Variants in PSTPIP2 observed in about 807,000 individuals in gnomAD.
The protein encoded by PSTPIP2 is proline-serine-threonine phosphatase-interacting protein 2.
In PSTPIP2, 33 loss-of-function variants were observed where a neutral mutation model predicts 63.3. That is an observed-to-expected ratio of 0.52 (90% CI 0.40 to 0.70). The LOEUF (loss-of-function observed/expected upper bound fraction) is 0.70. Ranked by LOEUF, PSTPIP2 falls within the 30% of genes least tolerant of loss-of-function variation. The probability of loss-of-function intolerance (pLI) is 0.00; values close to 1 mark genes in which losing one functional copy is unlikely to be tolerated. For missense variants in PSTPIP2, 312 were observed against 400.7 expected, an observed-to-expected ratio of 0.78 and a Z score of 1.89; for synonymous variants, 125 against 132.7, an observed-to-expected ratio of 0.94 and a Z score of 0.40.
At position 46,024,756 on chromosome 18, in the gene PSTPIP2, C is replaced by G. The variant is rs144355214; in HGVS notation, c.135-70G>C. The stretch of plus-strand genomic sequence containing the variant: ...CTCTTTGTTAAGACACAATGACCCT[C>G]CCTTGGAAAGCAAAACTGCACCTGT... On this transcript the variant is annotated intron_variant, in intron 2 of 14. Transcript: ENST00000409746. 339 of 1,310,058 alleles carry G rather than the reference C, an allele frequency of 2.6e-4. 2 individuals carry two copies. In the East Asian group the frequency reaches 7.0e-3, roughly 27 times the overall value. 81.2% of individuals were successfully genotyped at this position (1,310,058 alleles called of 1,614,324 possible).
At chr18:45,992,285 G>T in intron 10 of PSTPIP2, 83 bp from the exon 11 acceptor site, 1 of 1,169,776 alleles carries the variant, frequency 8.5e-7, no homozygotes, top group Non-Finnish European at 1.2e-6. Flanking sequence ...GTTTGAGGCG[G>T]GGCGCAGTGG....
chr18:46,042,452 C>T (rs561196248), intron 1 of PSTPIP2, among the ~76,000 whole-genome samples: 1 of 152,278 alleles, frequency 6.6e-6, no homozygotes, highest in Non-Finnish European at 1.5e-5. Flanking sequence ...TCAGAGTCCC[C>T]AGCATCTGAA....
At chr18:46,046,029 G>T (rs1831031482) in intron 1 of PSTPIP2, among the ~76,000 whole-genome samples, 1 of 152,218 alleles carries the variant, frequency 6.6e-6, no homozygotes, top group African/African-American at 2.4e-5. Flanking sequence ...CAGACCAACA[G>T]AACAGAATAG....
intron 1 of PSTPIP2, among the ~76,000 whole-genome samples, chr18:46,060,079 TTAA>T (rs1908936008): frequency 6.6e-6 from 1 of 152,198 alleles, no homozygotes; most frequent in African/African-American, 2.4e-5. Flanking sequence ...TCCAAATTGT[TTAA>T]TAACTTTCTT....
chr18:45,990,656 C>G, intron 13 of PSTPIP2, 66 bp downstream of exon 13: 1 of 1,409,968 alleles, frequency 7.1e-7, no homozygotes, highest in South Asian at 1.2e-5. Context: ...TCTCAAACTC[C>G]TGACCTCAAG....
At chr18:46,005,758 C>G (rs1810149001) in intron 5 of PSTPIP2, among the ~76,000 whole-genome samples, 1 of 152,158 alleles carries the variant, frequency 6.6e-6, no homozygotes, top group South Asian at 2.1e-4. Context: ...AGCCTGAACT[C>G]TCAGACACAG....
rs559943620 is a variant in PSTPIP2, at chr18:46,068,443, G to A, written c.33+3713C>T. ...CTCCTGAGTAGCTGGGACTACAGGC[G>A]CCCACCACCATGCCCGGGTAATTTT... On this transcript the variant is annotated intron_variant, in intron 1 of 14. Coordinates refer to ENST00000409746, the MANE Select transcript of PSTPIP2 (RefSeq NM_024430.4). Among the ~76,000 whole-genome samples the A allele has an allele frequency of 1.2e-4, 18 of 152,132 alleles. No individual in the cohort carries two copies. The South Asian group carries it at 1.9e-3, about 16-fold the overall frequency.
At chr18:46,004,561 A>C (rs2051704292) in intron 6 of PSTPIP2, among the ~76,000 whole-genome samples, 1 of 152,230 alleles carries the variant, frequency 6.6e-6, no homozygotes, top group Non-Finnish European at 1.5e-5. Flanking sequence ...AAATAGTAAC[A>C]GGGTAAAATT....
At chr18:46,048,866 T>C (rs1908478972) in intron 1 of PSTPIP2, among the ~76,000 whole-genome samples, 1 of 152,204 alleles carries the variant, frequency 6.6e-6, no homozygotes, top group Non-Finnish European at 1.5e-5. Flanking sequence ...TATATTGATG[T>C]TATTTCCTGA....
intron 1 of PSTPIP2, among the ~76,000 whole-genome samples, chr18:46,070,055 C>A (rs561134462): frequency 3.3e-5 from 5 of 152,156 alleles, no homozygotes; most frequent in Non-Finnish European, 7.3e-5. Flanking sequence ...GTTATTATCC[C>A]CATTTTTATG....
At chr18:46,063,895 G>C (rs1909078885) in intron 1 of PSTPIP2, among the ~76,000 whole-genome samples, 1 of 152,182 alleles carries the variant, frequency 6.6e-6, no homozygotes, top group Non-Finnish European at 1.5e-5. Context: ...GGAACACTGA[G>C]AATAGGCCCA....
At position 46,039,875 on chromosome 18, in the gene PSTPIP2, A is replaced by G. The variant is rs971862162; in HGVS notation, c.134+72T>C. On this transcript the variant is annotated intron_variant, in intron 2 of 14. Transcript: ENST00000409746. ...GAACCATTAAACACAAATGAAAAAA[A>G]GGAAATTGTTCCTTGTCTGTGTGGA... 18 of 1,318,718 alleles carry G rather than the reference A, an allele frequency of 1.4e-5. No individual in the cohort carries two copies. The African/African-American group carries it at 2.3e-4, about 17-fold the overall frequency. 81.7% of individuals were successfully genotyped at this position (1,318,718 alleles called of 1,614,324 possible).
chr18:46,032,728 T>C (rs1216336173), intron 2 of PSTPIP2, among the ~76,000 whole-genome samples: 1 of 121,242 alleles, frequency 8.2e-6, no homozygotes, highest in Non-Finnish European at 1.6e-5. Flanking sequence ...CACTCTAGCT[T>C]AGGCAATAAG....
rs186295356 is a variant in PSTPIP2 at position 45,990,794 on chromosome 18, C to T, written c.921-38G>A. The T allele has an allele frequency of 3.4e-3, 5,106 of 1,517,552 alleles. 8 individuals are homozygous for T. The highest frequency in any genetic ancestry group is 4.1e-3 in the Non-Finnish European group (4,568 of 1,101,242). The allele number at this position is 1,517,552 out of a possible 1,614,324, so 94.0% of individuals were successfully genotyped here. A position where few individuals can be genotyped will look rare whatever the true frequency, so the allele number is the denominator to read the frequency against. ...AAAACCAAAGTATTTTAGATAAGTT[C>T]TTGTTATTTTTATAATCTTTTTACT... is the stretch of plus-strand genomic sequence containing the variant. On this transcript the variant is annotated intron_variant, in intron 12 of 14. Coordinates refer to ENST00000409746, the MANE Select transcript of PSTPIP2 (RefSeq NM_024430.4).
At chr18:46,012,271 A>G (rs1172831476) in intron 4 of PSTPIP2, among the ~76,000 whole-genome samples, 5 of 149,490 alleles carry the variant, frequency 3.3e-5, no homozygotes, top group South Asian at 2.1e-4. Context: ...ACTGTTGGGG[A>G]AAAAAAAAAC....
rs570752189 is a variant in PSTPIP2 at position 46,009,889 on chromosome 18, G to C, written c.354+1292C>G. ...ACCATCCAATGGGTTTAATACACAT[G>C]CTATTTCTGCTCTGAAAAAAGGCTT... is the stretch of plus-strand genomic sequence containing the variant. On this transcript the variant is annotated intron_variant, in intron 5 of 14. Transcript: ENST00000409746. Among the ~76,000 whole-genome samples the C allele has an allele frequency of 2.6e-5, 4 of 152,290 alleles. 1 individual carries two copies. In the South Asian group the frequency reaches 8.3e-4, roughly 32 times the overall value.
intron 12 of PSTPIP2, 109 bp from the exon 13 acceptor site, chr18:45,990,865 C>G: frequency 1.1e-6 from 1 of 876,222 alleles, no homozygotes; most frequent in East Asian, 2.9e-5. Context: ...GGTTTCTGCA[C>G]TGGAGGGTCA....
At position 46,024,652 on chromosome 18, in the gene PSTPIP2, G is replaced by A. The variant is rs1907512682; in HGVS notation, c.169C>T (p.Leu57Phe). The change falls in exon 3 of 15, where the codon CTC (leucine) becomes TTC (phenylalanine). Residue 57 changes from leucine (L) to phenylalanine (F), a missense_variant. Leu to Phe is a conservative substitution (Grantham distance 22, BLOSUM62 0). Transcript: ENST00000409746. ...CACGGCTTCTTCCTAGAGAGGTTGA[G>A]CAGATCTTTGCCATACCTCTCTTCA... The part of the protein sequence containing the change: ...AIEERYGKDL[L>F]NLSRKKPCGQ... The A allele has an allele frequency of 1.2e-6, 2 of 1,614,106 alleles. No homozygotes were observed. The highest frequency in any genetic ancestry group is 1.1e-5 in the South Asian group (1 of 91,074).
At chr18:46,049,048 GTGTGTGTGGA>G (rs1437297308) in intron 1 of PSTPIP2, among the ~76,000 whole-genome samples, 9 of 143,152 alleles carry the variant, frequency 6.3e-5, no homozygotes, top group African/African-American at 2.2e-4. Context: ...GTGTGTGTGT[GTGTGTGTGGA>G]GAGAGAGAGA....
Sources: allele counts gnomAD v4.1 joint callset (sites outside exome capture counted in the v4.1 genomes callset), GRCh38; gene constraint gnomAD v4.1.1; transcripts MANE v1.5; gene names NCBI Gene and HGNC (gene_info 2026-07-23, HGNC 2026-07-21).